AP2A2: variants seen among roughly 807,000 people sequenced by gnomAD.
AP2A2 encodes the protein AP-2 complex subunit alpha-2.
AP2A2 carries 32 observed loss-of-function variants against 104.2 expected under a neutral mutation model. The observed-to-expected ratio is 0.31, with a 90% confidence interval of 0.23 to 0.41. The LOEUF is 0.41. Among genes scored for constraint, AP2A2 ranks in the 10% least tolerant of loss-of-function variants. The pLI, the probability that AP2A2 is intolerant of heterozygous loss-of-function variation, is 1.00. For missense variants in AP2A2, 912 were observed against 1,261.0 expected, an observed-to-expected ratio of 0.72 and a Z score of 4.19; for synonymous variants, 539 against 533.3, an observed-to-expected ratio of 1.01 and a Z score of -0.15.
intron 1 of AP2A2, among the ~76,000 whole-genome samples, chr11:951,127 T>C (rs7483273): frequency 0.5 from 76,292 of 151,634 alleles, 19,793 homozygotes; most frequent in Middle Eastern, 0.67. Flanking sequence ...TTAAAATATA[T>C]ATTTCTTCCA....
At chr11:937,850 A>G (rs1853510902) in intron 1 of AP2A2, among the ~76,000 whole-genome samples, 1 of 152,172 alleles carries the variant, frequency 6.6e-6, no homozygotes, top group African/African-American at 2.4e-5. Flanking sequence ...ACTTATTTAC[A>G]GATAAGGAAA....
chr11:966,366 C>A (rs1355206739), intron 2 of AP2A2, among the ~76,000 whole-genome samples: 1 of 152,144 alleles, frequency 6.6e-6, no homozygotes, highest in African/African-American at 2.4e-5. Flanking sequence ...TGTGTGGTTG[C>A]ACATGCCTGT....
At chr11:984,238 G>C (rs554608451) in intron 6 of AP2A2, among the ~76,000 whole-genome samples, 1 of 152,312 alleles carries the variant, frequency 6.6e-6, no homozygotes, top group South Asian at 2.1e-4. Flanking sequence ...CACCATCTGG[G>C]TTGGCCTGTG....
Position 1,010,918 on chromosome 11 carries a change from A to T in AP2A2, c.*293A>T. ...TAAATCTACAAATTAAAGGGAAATT[A>T]GAAGTTGGCGTGAACGTGGCGTTTG... On this transcript the variant is annotated 3_prime_UTR_variant, in exon 22 of 22. Transcript: ENST00000448903. The T allele has an allele frequency of 1.4e-6, 1 of 691,734 alleles. No individual in the cohort carries two copies. Among genetic ancestry groups the T allele is most frequent in the Non-Finnish European group, 2.6e-6 (1 of 382,736 alleles). 42.8% of individuals were successfully genotyped at this position (691,734 alleles called of 1,614,324 possible). A position where few individuals can be genotyped will look rare whatever the true frequency, so the allele number is the denominator to read the frequency against.
At position 925,997 on chromosome 11, in the gene AP2A2, C is replaced by T. The variant is rs1446414522; in HGVS notation, c.-25C>T. The stretch of plus-strand genomic sequence containing the variant: ...CGCTCCTCCGCCCGGGTCCGCCAGC[C>T]GAGGCCGCTCCCGAGCGTCGGAAGA... On this transcript the variant is annotated 5_prime_UTR_variant, in exon 1 of 22. Transcript: ENST00000448903. 4.3e-6 allele frequency: 6 copies of T among 1,395,938 alleles called. No individual in the cohort carries two copies. Among genetic ancestry groups the T allele is most frequent in the South Asian group, 1.5e-5 (1 of 66,746 alleles). 86.5% of individuals were successfully genotyped at this position (1,395,938 alleles called of 1,614,324 possible). A position where few individuals can be genotyped will look rare whatever the true frequency, so the allele number is the denominator to read the frequency against.
chr11:969,946 G>T (rs1160734918), intron 2 of AP2A2, among the ~76,000 whole-genome samples: 1 of 152,160 alleles, frequency 6.6e-6, no homozygotes, highest in African/African-American at 2.4e-5. Context: ...TCTGGTGCCT[G>T]TTTTTAAAAG....
chr11:1,005,512 G>A (rs1268475598), intron 16 of AP2A2, among the ~76,000 whole-genome samples: 1 of 152,190 alleles, frequency 6.6e-6, no homozygotes, highest in East Asian at 1.9e-4. Context: ...CACAATTTAG[G>A]AGAAAGACAT....
chr11:975,509 C>G, intron 4 of AP2A2, among the ~76,000 whole-genome samples: 1 of 147,582 alleles, frequency 6.8e-6, no homozygotes, highest in East Asian at 2.0e-4. Flanking sequence ...GGTCCTCGGT[C>G]TCCCTCTTAC....
At chr11:964,716 C>T (rs1854553286) in intron 2 of AP2A2, among the ~76,000 whole-genome samples, 1 of 151,944 alleles carries the variant, frequency 6.6e-6, no homozygotes, top group Non-Finnish European at 1.5e-5. Context: ...CTAAAAAATA[C>T]CTGCCGAAGA....
At chr11:999,286 C>T (rs147876376) in intron 14 of AP2A2, among the ~76,000 whole-genome samples, 2,515 of 152,194 alleles carry the variant, frequency 0.017, 38 homozygotes, top group Middle Eastern at 0.034. Flanking sequence ...CCGAGGTGAA[C>T]GTATCACCTG....
chr11:960,748 C>T (rs925498443), intron 2 of AP2A2, among the ~76,000 whole-genome samples: 1 of 151,896 alleles, frequency 6.6e-6, no homozygotes, highest in Non-Finnish European at 1.5e-5. Context: ...GAGCTCCCGA[C>T]CTCAAGTGAT....
chr11:1,003,345 C>T (rs1218664959), intron 15 of AP2A2, among the ~76,000 whole-genome samples: 1 of 152,246 alleles, frequency 6.6e-6, no homozygotes, highest in Non-Finnish European at 1.5e-5. Context: ...GAGGCCCTCG[C>T]TGGGTGGAAG....
intron 2 of AP2A2, among the ~76,000 whole-genome samples, chr11:963,712 C>T (rs933041609): frequency 6.6e-6 from 1 of 152,202 alleles, no homozygotes; most frequent in Non-Finnish European, 1.5e-5. Flanking sequence ...AGCCTCAACC[C>T]CCCGGGCTCA....
chr11:959,159 C>G (rs765724274), intron 1 of AP2A2, among the ~76,000 whole-genome samples: 17 of 152,226 alleles, frequency 1.1e-4, no homozygotes, highest in Non-Finnish European at 2.5e-4. Context: ...TGGAGCACCC[C>G]CTGGGTGCGC....
chr11:999,803 C>CTTTTTTTTT (rs71022992), intron 14 of AP2A2, among the ~76,000 whole-genome samples: 1 of 124,698 alleles, frequency 8.0e-6, no homozygotes, highest in African/African-American at 2.9e-5. Flanking sequence ...TTAGTTCTTT[C>CTTTTTTTTT]TTTTTTTTTT....
chr11:971,151 C>T (rs896733797), intron 3 of AP2A2, among the ~76,000 whole-genome samples: 7 of 152,020 alleles, frequency 4.6e-5, no homozygotes, highest in African/African-American at 9.7e-5. Flanking sequence ...GCCTTGAGGA[C>T]GGAGGCACAG....
At chr11:962,159 C>T (rs576776786) in intron 2 of AP2A2, among the ~76,000 whole-genome samples, 38 of 152,268 alleles carry the variant, frequency 2.5e-4, no homozygotes, top group African/African-American at 8.0e-4. Context: ...CTGGGGGAGC[C>T]GGACCATGAC....
At chr11:1,000,644 G>GC in intron 15 of AP2A2, 46 bp downstream of exon 15, 1 of 1,514,140 alleles carries the variant, frequency 6.6e-7, no homozygotes. Context: ...GGGCTGCCGT[G>GC]CCCCCTGACT....
chr11:996,669 T>C (rs948032101), intron 14 of AP2A2, among the ~76,000 whole-genome samples: 42 of 152,010 alleles, frequency 2.8e-4, no homozygotes, highest in African/African-American at 9.7e-4. Flanking sequence ...AGGATGAGGG[T>C]CCAGTGAGGT....
Sources: gnomAD v4.1 joint callset for allele counts (sites outside exome capture counted in the v4.1 genomes callset) on GRCh38, gnomAD v4.1.1 for gene constraint, MANE v1.5 for transcripts, NCBI Gene and HGNC (gene_info 2026-07-23, HGNC 2026-07-21) for gene names.